GRIK2: variants seen among roughly 807,000 people sequenced by gnomAD.
GRIK2 encodes glutamate receptor ionotropic, kainate 2.
GRIK2 carries 32 observed loss-of-function variants against 100.3 expected under a neutral mutation model. The ratio of observed to expected loss-of-function variants is 0.32; its 90% CI spans 0.24 to 0.43. The LOEUF (loss-of-function observed/expected upper bound fraction) is 0.43, where lower values mean the gene tolerates loss of function less well. Among genes scored for constraint, GRIK2 ranks in the 20% least tolerant of loss-of-function variants. GRIK2 has a pLI of 1.00. For missense variants in GRIK2, 843 were observed against 1,114.9 expected, an observed-to-expected ratio of 0.76 and a Z score of 3.47; for synonymous variants, 417 against 389.4, an observed-to-expected ratio of 1.07 and a Z score of -0.83.
intron 14 of GRIK2, among the ~76,000 whole-genome samples, chr6:101,998,508 G>A (rs950597420): frequency 1.3e-5 from 2 of 151,686 alleles, no homozygotes; most frequent in African/African-American, 4.8e-5. Flanking sequence ...TTGCTGTTTC[G>A]GATTGTGTTT....
Position 102,035,439 on chromosome 6 carries a change from C to T in GRIK2, c.2184C>T (p.Val728=), listed in dbSNP as rs780847575. The T allele has an allele frequency of 3.1e-6, 5 of 1,608,156 alleles. No individual in the cohort carries two copies. Among genetic ancestry groups the T allele is most frequent in the Non-Finnish European group, 4.3e-6 (5 of 1,175,544 alleles). Residue 728 remains valine, a synonymous_variant, in exon 15 of 17, where the codon GTC becomes GTT. Transcript: ENST00000369134. The stretch of plus-strand genomic sequence containing the variant: ...GTAATGAAGAAGGAATCCAGCGAGT[C>T]CTCACCTCTGATTATGCTTTCCTAA... ...VKSNEEGIQR[V]LTSDYAFLME... is the part of the protein sequence containing the mutation.
chr6:101,973,580 A>C (rs1459361579), intron 14 of GRIK2, among the ~76,000 whole-genome samples: 1 of 152,000 alleles, frequency 6.6e-6, no homozygotes, highest in South Asian at 2.1e-4. Context: ...TATGAACCTC[A>C]AGATGTTTAC....
chr6:101,485,502 A>C lies in GRIK2; in HGVS notation c.115+86110A>C, dbSNP rs142045266. On this transcript the variant is annotated intron_variant, in intron 2 of 16. Transcript: ENST00000369134. ...CTAAGTACAAAACATATTTGTGACA[A>C]TTTTGGGGAACTTTGTGATATTTAT... Among the ~76,000 whole-genome samples the C allele has an allele frequency of 9.1e-3, 1,389 of 152,236 alleles. 15 individuals are homozygous for C. The highest frequency in any genetic ancestry group is 0.015 in the Non-Finnish European group (1,044 of 67,996).
chr6:101,760,726 T>TTA (rs1224508579), intron 7 of GRIK2, among the ~76,000 whole-genome samples: 24 of 77,008 alleles, frequency 3.1e-4, no homozygotes, highest in East Asian at 1.9e-3. Flanking sequence ...TTATATTTAA[T>TTA]TATATAATTA....
chr6:101,804,397 A>G lies in GRIK2; in HGVS notation c.1203+1959A>G, dbSNP rs79491955. Among the ~76,000 whole-genome samples the G allele has an allele frequency of 7.8e-4, 118 of 152,128 alleles. 1 individual carries two copies. In the East Asian group the frequency reaches 0.021, roughly 27 times the overall value. The stretch of plus-strand genomic sequence containing the variant: ...TAAAGAAAGAATAGCCCTGAAGGCT[A>G]TGGGTTACTTGGGAAGATAATATAG... On this transcript the variant is annotated intron_variant, in intron 9 of 16. Coordinates refer to ENST00000369134, the MANE Select transcript of GRIK2 (RefSeq NM_021956.5).
At chr6:101,891,914 CTAGTT>C (rs893397601) in intron 12 of GRIK2, among the ~76,000 whole-genome samples, 7 of 152,126 alleles carry the variant, frequency 4.6e-5, no homozygotes, top group African/African-American at 1.7e-4. Flanking sequence ...CACAGCCACT[CTAGTT>C]TATGTGTTCA....
chr6:101,712,918 A>ATT (rs1422903659), intron 7 of GRIK2, among the ~76,000 whole-genome samples: 15 of 151,978 alleles, frequency 9.9e-5, no homozygotes, highest in South Asian at 8.3e-4. Flanking sequence ...CCTCATAAAA[A>ATT]GTAGAGCTCT....
chr6:101,715,583 C>T (rs1160843894), intron 7 of GRIK2, among the ~76,000 whole-genome samples: 1 of 151,654 alleles, frequency 6.6e-6, no homozygotes, highest in Non-Finnish European at 1.5e-5. Flanking sequence ...TTAACTATAC[C>T]AAGAATATAA....
chr6:101,425,066 T>C (rs1776630385), intron 2 of GRIK2, among the ~76,000 whole-genome samples: 1 of 152,106 alleles, frequency 6.6e-6, no homozygotes, highest in African/African-American at 2.4e-5. Context: ...AGTCTATCAT[T>C]GTTGGACATG....
chr6:101,772,762 T>G (rs957653938), intron 7 of GRIK2, among the ~76,000 whole-genome samples: 1 of 151,572 alleles, frequency 6.6e-6, no homozygotes, highest in Non-Finnish European at 1.5e-5. Context: ...AGAAAAATCT[T>G]TGAAGCAAAG....
rs189668254 is a variant in GRIK2 at position 101,995,396 on chromosome 6, G to A, written c.2086-39945G>A. On this transcript the variant is annotated intron_variant, in intron 14 of 16. Transcript: ENST00000369134. ...AAAATTGGTGGTATGACAACTGAACGTATTTTAAAACATGCCTTTTTTTTG... is the reference window on the plus strand; with the variant it reads ...AAAATTGGTGGTATGACAACTGAACATATTTTAAAACATGCCTTTTTTTTG... 4.8e-4 allele frequency among the ~76,000 whole-genome samples: 73 copies of A among 151,926 alleles called. 1 individual carries two copies. Among genetic ancestry groups the A allele is most frequent in the Non-Finnish European group, 8.8e-4 (60 of 67,906 alleles).
At chr6:101,898,569 G>T (rs1467437196) in intron 12 of GRIK2, among the ~76,000 whole-genome samples, 1 of 151,802 alleles carries the variant, frequency 6.6e-6, no homozygotes. Flanking sequence ...AATCAACTGG[G>T]CACCTAGACA....
intron 2 of GRIK2, among the ~76,000 whole-genome samples, chr6:101,586,395 A>G (rs1290477530): frequency 6.6e-6 from 1 of 152,126 alleles, no homozygotes; most frequent in African/African-American, 2.4e-5. Flanking sequence ...CTCCAAGTAG[A>G]CATTGTAACA....
Position 101,622,905 on chromosome 6 carries a change from A to G in GRIK2, c.283+789A>G, listed in dbSNP as rs191874642. On this transcript the variant is annotated intron_variant, in intron 3 of 16. Coordinates refer to ENST00000369134, the MANE Select transcript of GRIK2 (RefSeq NM_021956.5). Reference sequence around the variant, plus strand: ...GTAAATGTGTTTGAGAGGTGCTTCTATAGTCTTATGTGGGTGATCTTTTCT... The same window carrying G: ...GTAAATGTGTTTGAGAGGTGCTTCTGTAGTCTTATGTGGGTGATCTTTTCT... Among the ~76,000 whole-genome samples the G allele has an allele frequency of 3.9e-5, 6 of 152,118 alleles. No homozygotes were observed. The East Asian group carries it at 7.7e-4, about 20-fold the overall frequency.
rs183933498 is a variant in GRIK2, at chr6:101,775,198, G to C, written c.952-24450G>C. Among the ~76,000 whole-genome samples the C allele has an allele frequency of 5.3e-5, 8 of 152,230 alleles. No homozygotes were observed. In the East Asian group the frequency reaches 1.5e-3, roughly 29 times the overall value. On this transcript the variant is annotated intron_variant, in intron 7 of 16. Transcript: ENST00000369134. ...ATTTACTGGTTGTTGTTCAAAATAA[G>C]CTAATTGGCAATCACTATTTTTTGG...
intron 4 of GRIK2, among the ~76,000 whole-genome samples, chr6:101,638,651 A>G (rs1014332990): frequency 6.6e-6 from 1 of 152,108 alleles, no homozygotes; most frequent in African/African-American, 2.4e-5. Flanking sequence ...AAATCTAAAA[A>G]CCAAAGAAGA....
chr6:101,406,525 C>T (rs1237613383), intron 2 of GRIK2, among the ~76,000 whole-genome samples: 4 of 151,968 alleles, frequency 2.6e-5, no homozygotes, highest in African/African-American at 9.7e-5. Context: ...TGTTCCATGG[C>T]CTTATTTTAA....
intron 15 of GRIK2, among the ~76,000 whole-genome samples, chr6:102,053,974 C>T (rs1485856306): frequency 6.6e-6 from 1 of 152,072 alleles, no homozygotes; most frequent in Non-Finnish European, 1.5e-5. Flanking sequence ...TTAAGAAGAG[C>T]ACAGGGGAGA....
At chr6:101,421,641 A>AT (rs1776416756) in intron 2 of GRIK2, among the ~76,000 whole-genome samples, 1 of 151,108 alleles carries the variant, frequency 6.6e-6, no homozygotes, top group African/African-American at 2.4e-5. Context: ...TATTTTCTTA[A>AT]TTTTTTAAAA....
Sources: allele counts gnomAD v4.1 joint callset (sites outside exome capture counted in the v4.1 genomes callset), GRCh38; gene constraint gnomAD v4.1.1; transcripts MANE v1.5; gene names NCBI Gene and HGNC (gene_info 2026-07-23, HGNC 2026-07-21).